Variants in NSRP1 observed in about 807,000 individuals in gnomAD.
NSRP1 encodes coiled-coil domain containing 55.
In NSRP1, 24 loss-of-function variants were observed where a neutral mutation model predicts 54.7. The observed-to-expected ratio is 0.44, with a 90% CI of 0.32 to 0.62. The LOEUF is 0.62. Among genes scored for constraint, NSRP1 ranks in the 20% least tolerant of loss-of-function variants. The pLI, the probability that NSRP1 is intolerant of heterozygous loss-of-function variation, is 0.06. For missense variants in NSRP1, 596 were observed against 651.2 expected (o/e 0.92, Z 0.92); for synonymous variants, 210 against 213.8 (o/e 0.98, Z 0.15).
rs1030715326 is a variant in NSRP1, at chr17:30,146,699, A to G, written c.115-25843A>G. 5.9e-5 allele frequency among the ~76,000 whole-genome samples: 9 copies of G among 152,314 alleles called. No homozygotes were observed. The East Asian group carries it at 1.7e-3, about 29-fold the overall frequency. On this transcript the variant is annotated intron_variant, in intron 2 of 6. Coordinates refer to ENST00000247026, the MANE Select transcript of NSRP1 (RefSeq NM_032141.4). The stretch of plus-strand genomic sequence containing the variant: ...CCCCCAGGCTGGAGTACAGTGGCGC[A>G]ATCTTGGCTCACTGCCACCTCTGCC...
chr17:30,179,482 A>T (rs1225123701), intron 5 of NSRP1, among the ~76,000 whole-genome samples, 185 bp downstream of exon 5: 1 of 152,252 alleles, frequency 6.6e-6, no homozygotes, highest in Admixed American at 6.5e-5. Context: ...AAGTTTAACT[A>T]AAAACACAGT....
At chr17:30,158,675 CA>C (rs1904407826) in intron 2 of NSRP1, among the ~76,000 whole-genome samples, 1 of 151,990 alleles carries the variant, frequency 6.6e-6, no homozygotes, top group African/African-American at 2.4e-5. Context: ...TATTCTTCTC[CA>C]TGTGGATATT....
At chr17:30,175,769 A>G (rs947760213) in intron 3 of NSRP1, among the ~76,000 whole-genome samples, 1 of 152,138 alleles carries the variant, frequency 6.6e-6, no homozygotes, top group African/African-American at 2.4e-5. Flanking sequence ...TAAAACCTGT[A>G]GAGGTTTACT....
intron 2 of NSRP1, among the ~76,000 whole-genome samples, chr17:30,142,653 A>G (rs961573615): frequency 1.3e-5 from 2 of 152,200 alleles, no homozygotes; most frequent in Non-Finnish European, 2.9e-5. Context: ...TGTTTAGTCC[A>G]GTGCATAACA....
At chr17:30,131,077 G>A (rs2071695281) in intron 2 of NSRP1, among the ~76,000 whole-genome samples, 1 of 151,852 alleles carries the variant, frequency 6.6e-6, no homozygotes, top group South Asian at 2.1e-4. Context: ...CTGTGAAAAA[G>A]TAGAGCAGGA....
At chr17:30,180,578 T>C (rs1191290326) in intron 5 of NSRP1, among the ~76,000 whole-genome samples, 2 of 152,254 alleles carry the variant, frequency 1.3e-5, no homozygotes, top group African/African-American at 4.8e-5. Flanking sequence ...AGTATTCATA[T>C]TTTAAGACTT....
At chr17:30,134,577 G>A (rs1472410570) in intron 2 of NSRP1, among the ~76,000 whole-genome samples, 1 of 152,214 alleles carries the variant, frequency 6.6e-6, no homozygotes, top group African/African-American at 2.4e-5. Flanking sequence ...GGAAAAATGA[G>A]AGATTTTACA....
At chr17:30,139,470 G>C (rs1454447092) in intron 2 of NSRP1, among the ~76,000 whole-genome samples, 1 of 151,964 alleles carries the variant, frequency 6.6e-6, no homozygotes, top group Non-Finnish European at 1.5e-5. Flanking sequence ...TAAGTTTTCT[G>C]TTTTCTTTCA....
rs1905178090 is a variant in NSRP1 at position 30,177,858 on chromosome 17, C to G, written c.172-213C>G. The G allele has an allele frequency of 5.0e-6, 3 of 604,300 alleles. No individual in the cohort carries two copies. In the South Asian group the frequency reaches 5.5e-5, roughly 11 times the overall value. 37.4% of individuals were successfully genotyped at this position (604,300 alleles called of 1,614,324 possible). On this transcript the variant is annotated intron_variant, in intron 3 of 6. Coordinates refer to ENST00000247026, the MANE Select transcript of NSRP1 (RefSeq NM_032141.4). ...AGGAAATTAAGGTACCAAAAGATTA[C>G]AAACAAACTTGCCCGGAGTAATTAG...
At chr17:30,121,758 C>A (rs986458704) in intron 2 of NSRP1, among the ~76,000 whole-genome samples, 1 of 151,954 alleles carries the variant, frequency 6.6e-6, no homozygotes, top group Non-Finnish European at 1.5e-5. Context: ...TTAGTAGAGA[C>A]GGAGTTTCAC....
chr17:30,132,397 TAA>T (rs2071708941), intron 2 of NSRP1, among the ~76,000 whole-genome samples: 1 of 149,172 alleles, frequency 6.7e-6, no homozygotes, highest in Non-Finnish European at 1.5e-5. Context: ...TACTAAAAAA[TAA>T]AAAAGTTAGC....
chr17:30,117,108 G>A (rs776372668), intron 1 of NSRP1: 1 of 755,560 alleles, frequency 1.3e-6, no homozygotes, highest in Admixed American at 1.8e-5. Context: ...GGGGCAGAGA[G>A]CGAGACTTTT....
chr17:30,185,373 A>G lies in NSRP1; in HGVS notation c.1376A>G (p.Asn459Ser). Residue 459 changes from asparagine to serine, a missense_variant, in exon 7 of 7, where the codon AAT becomes AGT. Coordinates refer to ENST00000247026, the MANE Select transcript of NSRP1 (RefSeq NM_032141.4). ...CAAGACAGAAAGGAAAGCAGCCCAAATTCTAGGGCAAAGGATAAATTTCTT... is the reference window on the plus strand; with the variant it reads ...CAAGACAGAAAGGAAAGCAGCCCAAGTTCTAGGGCAAAGGATAAATTTCTT... ...RNQDRKESSPNSRAKDKFLDQ... is the reference protein window; with the variant it reads ...RNQDRKESSPSSRAKDKFLDQ... The G allele has an allele frequency of 6.2e-7, 1 of 1,612,572 alleles. No homozygotes were observed. The highest frequency in any genetic ancestry group is 1.7e-5 in the Admixed American group (1 of 59,760).
intron 2 of NSRP1, among the ~76,000 whole-genome samples, chr17:30,139,110 G>C (rs1375045651): frequency 6.7e-6 from 1 of 150,008 alleles, no homozygotes; most frequent in African/African-American, 2.5e-5. Context: ...GTAGAGACGG[G>C]GTTTCACTGT....
chr17:30,148,204 A>G (rs1211401090), intron 2 of NSRP1, among the ~76,000 whole-genome samples: 2 of 152,210 alleles, frequency 1.3e-5, no homozygotes, highest in South Asian at 2.1e-4. Context: ...TGGTTCATTA[A>G]TATGGTTTAT....
intron 2 of NSRP1, among the ~76,000 whole-genome samples, chr17:30,152,421 GA>G (rs1478150234): frequency 8.5e-6 from 1 of 117,986 alleles, no homozygotes; most frequent in African/African-American, 3.1e-5. Flanking sequence ...CCCAGCCTAA[GA>G]ATTTTTTTTT....
At chr17:30,132,239 CTG>C (rs2096852815) in intron 2 of NSRP1, among the ~76,000 whole-genome samples, 1 of 142,876 alleles carries the variant, frequency 7.0e-6, no homozygotes, top group African/African-American at 2.7e-5. Flanking sequence ...CAGAGCGAGA[CTG>C]TCTCAAAAAA....
rs2071910422 is a variant in NSRP1, at chr17:30,151,568, A to G, written c.115-20974A>G. On this transcript the variant is annotated intron_variant, in intron 2 of 6. Transcript: ENST00000247026. Reference sequence around the variant, plus strand: ...GGTCTTCCTGTTCATCATCATCTTCACATTGAGCTAGCCGAGGAGAAGGAG... The same window carrying G: ...GGTCTTCCTGTTCATCATCATCTTCGCATTGAGCTAGCCGAGGAGAAGGAG... 2.0e-5 allele frequency among the ~76,000 whole-genome samples: 3 copies of G among 152,148 alleles called. 1 individual carries two copies. Among genetic ancestry groups the G allele is most frequent in the Admixed American group, 2.0e-4 (3 of 15,260 alleles).
chr17:30,162,322 G>A (rs1250678214), intron 2 of NSRP1, among the ~76,000 whole-genome samples: 3 of 152,066 alleles, frequency 2.0e-5, no homozygotes, highest in South Asian at 2.1e-4. Context: ...GAGCCACTGC[G>A]CCCAGCCAGC....
Sources: gnomAD v4.1 joint callset for allele counts (sites outside exome capture counted in the v4.1 genomes callset) on GRCh38, gnomAD v4.1.1 for gene constraint, MANE v1.5 for transcripts, NCBI Gene and HGNC (gene_info 2026-07-23, HGNC 2026-07-21) for gene names.